Variants in MAGI2 observed in about 807,000 individuals in gnomAD.
MAGI2 encodes the protein membrane-associated guanylate kinase, WW and PDZ domain-containing protein 2.
In MAGI2, 35 loss-of-function variants were observed where a neutral mutation model predicts 133.3. The observed-to-expected ratio is 0.26, with a 90% CI of 0.20 to 0.35. The LOEUF (loss-of-function observed/expected upper bound fraction) is 0.35, where lower values mean the gene tolerates loss of function less well. Ranked by LOEUF, MAGI2 falls within the 10% of genes least tolerant of loss-of-function variation. MAGI2 has a pLI of 1.00. For missense variants in MAGI2, 1,636 were observed against 1,863.4 expected (o/e 0.88, Z 2.25); for synonymous variants, 729 against 710.6 (o/e 1.03, Z -0.41).
intron 3 of MAGI2, among the ~76,000 whole-genome samples, chr7:78,612,885 T>TC (rs1189448783): frequency 1.7e-3 from 260 of 152,232 alleles, no homozygotes; most frequent in African/African-American, 5.9e-3. Context: ...TTAGCCAGGA[T>TC]GGTCTCGATC....
intron 1 of MAGI2, among the ~76,000 whole-genome samples, chr7:79,255,572 A>T (rs1833623315): frequency 6.6e-6 from 1 of 152,240 alleles, no homozygotes. Context: ...GAAAAAGAAG[A>T]TAAATTTAAG....
At chr7:78,866,530 A>T (rs535798112) in intron 2 of MAGI2, among the ~76,000 whole-genome samples, 6 of 151,924 alleles carry the variant, frequency 3.9e-5, no homozygotes, top group Middle Eastern at 3.4e-3. Context: ...TAGCCTTCAC[A>T]CTAGTTTGTG....
chr7:78,891,872 T>A (rs1434965182), intron 2 of MAGI2, among the ~76,000 whole-genome samples: 1 of 152,202 alleles, frequency 6.6e-6, no homozygotes, highest in East Asian at 1.9e-4. Context: ...TTGGAAGTTC[T>A]GGCCAGGGCA....
intron 1 of MAGI2, among the ~76,000 whole-genome samples, chr7:79,445,259 G>T (rs1209919941): frequency 1.3e-5 from 2 of 152,082 alleles, no homozygotes; most frequent in Non-Finnish European, 2.9e-5. Flanking sequence ...GCAGGGGCAA[G>T]GACTTCATGT....
At chr7:78,515,545 A>G (rs1004608699) in intron 4 of MAGI2, among the ~76,000 whole-genome samples, 1 of 152,206 alleles carries the variant, frequency 6.6e-6, no homozygotes, top group African/African-American at 2.4e-5. Context: ...AAGATTTACT[A>G]AGTACTTGAA....
chr7:78,903,464 G>T (rs1337586469), intron 2 of MAGI2, among the ~76,000 whole-genome samples: 3 of 151,990 alleles, frequency 2.0e-5, no homozygotes, highest in Admixed American at 1.3e-4. Context: ...CAAAGTGCTG[G>T]GATTACAGGC....
At chr7:78,513,671 G>T (rs1298195111) in intron 4 of MAGI2, among the ~76,000 whole-genome samples, 2 of 152,158 alleles carry the variant, frequency 1.3e-5, no homozygotes, top group African/African-American at 2.4e-5. Flanking sequence ...TACTCTGGTT[G>T]TCCTTGTTCT....
intron 6 of MAGI2, among the ~76,000 whole-genome samples, chr7:78,444,912 T>C (rs1269458915): frequency 6.7e-6 from 1 of 149,222 alleles, no homozygotes; most frequent in Non-Finnish European, 1.5e-5. Flanking sequence ...TATACAAATA[T>C]ATATGTAAAC....
intron 1 of MAGI2, among the ~76,000 whole-genome samples, chr7:79,082,235 T>C (rs755638252): frequency 2.6e-4 from 40 of 152,236 alleles, no homozygotes; most frequent in Non-Finnish European, 4.6e-4. Context: ...AAATCATGTA[T>C]ATCTATCTTT....
intron 2 of MAGI2, among the ~76,000 whole-genome samples, chr7:78,846,853 G>A (rs111965197): frequency 6.6e-6 from 1 of 151,906 alleles, no homozygotes; most frequent in Non-Finnish European, 1.5e-5. Flanking sequence ...ACTCTTTCCA[G>A]GTGCATATAT....
At chr7:79,052,379 G>A (rs1812753138) in intron 1 of MAGI2, among the ~76,000 whole-genome samples, 1 of 152,202 alleles carries the variant, frequency 6.6e-6, no homozygotes, top group Admixed American at 6.5e-5. Flanking sequence ...GCAAGACAGT[G>A]AAAGCACAGC....
At chr7:78,934,318 G>C (rs1800357377) in intron 2 of MAGI2, among the ~76,000 whole-genome samples, 2 of 152,042 alleles carry the variant, frequency 1.3e-5, no homozygotes, top group Non-Finnish European at 2.9e-5. Context: ...TAGCCAGGCT[G>C]GGCTCAAACT....
rs1448819629 is a variant in MAGI2, at chr7:78,511,554, T to A, written c.755-9767A>T. Among the ~76,000 whole-genome samples the A allele has an allele frequency of 7.1e-3, 744 of 104,660 alleles. 3 individuals are homozygous for A. Among genetic ancestry groups the A allele is most frequent in the Non-Finnish European group, 9.7e-3 (486 of 50,086 alleles). 68.7% of individuals were successfully genotyped at this position (104,660 alleles called of 152,430 possible). ...TCTTTTATATATATATATATAAATTTTTTTTTTTTTTTTTTTGACACAGTG... is the reference window on the plus strand; with the variant it reads ...TCTTTTATATATATATATATAAATTATTTTTTTTTTTTTTTTGACACAGTG... On this transcript the variant is annotated intron_variant, in intron 4 of 21. Transcript: ENST00000354212.
chr7:78,501,563 T>A lies in MAGI2; in HGVS notation c.965+14A>T. On this transcript the variant is annotated intron_variant, in intron 5 of 21. Coordinates refer to ENST00000354212, the MANE Select transcript of MAGI2 (RefSeq NM_012301.4). ...ACCTTTTTGGCACTGTTGAAAGAAA[T>A]GTGTGAAACTCACTCAATGAAGTAG... 1 of 1,610,784 alleles carries A rather than the reference T, an allele frequency of 6.2e-7. No homozygotes were observed. Among genetic ancestry groups the A allele is most frequent in the Non-Finnish European group, 8.5e-7 (1 of 1,177,994 alleles).
At position 79,324,548 on chromosome 7, in the gene MAGI2, TAC is replaced by T. The variant is rs1839471041; in HGVS notation, c.301+128470_301+128471del. Among the ~76,000 whole-genome samples the T allele has an allele frequency of 6.4e-5, 4 of 62,426 alleles. 1 individual carries two copies. Among genetic ancestry groups the T allele is most frequent in the African/African-American group, 2.1e-4 (4 of 18,936 alleles). 41.0% of individuals were successfully genotyped at this position (62,426 alleles called of 152,430 possible). A position where few individuals can be genotyped will look rare whatever the true frequency, so the allele number is the denominator to read the frequency against. ...CACCATATATATATAACCATATATA[TAC>T]ATATATACACATATAACCATATATA... On this transcript the variant is annotated intron_variant, in intron 1 of 21. Coordinates refer to ENST00000354212, the MANE Select transcript of MAGI2 (RefSeq NM_012301.4).
intron 2 of MAGI2, among the ~76,000 whole-genome samples, chr7:78,837,534 G>A (rs1360983934): frequency 6.6e-6 from 1 of 152,010 alleles, no homozygotes; most frequent in African/African-American, 2.4e-5. Context: ...AGTTCTCCAT[G>A]GTATTCATCA....
At chr7:78,740,419 A>T (rs575812879) in intron 2 of MAGI2, among the ~76,000 whole-genome samples, 99 of 152,312 alleles carry the variant, frequency 6.5e-4, no homozygotes, top group African/African-American at 2.0e-3. Flanking sequence ...AGTAACAGAA[A>T]TGGGATGTGA....
chr7:78,809,269 T>C (rs1265434322), intron 2 of MAGI2, among the ~76,000 whole-genome samples: 1 of 152,212 alleles, frequency 6.6e-6, no homozygotes, highest in Non-Finnish European at 1.5e-5. Flanking sequence ...CAGTACTTTA[T>C]AGATGATCGG....
intron 6 of MAGI2, among the ~76,000 whole-genome samples, chr7:78,427,623 A>G (rs549648125): frequency 6.6e-6 from 1 of 151,420 alleles, no homozygotes; most frequent in Admixed American, 6.6e-5. Context: ...GAAAGATTTT[A>G]ATACCACTCT....
Sources: gnomAD v4.1 joint callset for allele counts (sites outside exome capture counted in the v4.1 genomes callset) on GRCh38, gnomAD v4.1.1 for gene constraint, MANE v1.5 for transcripts, NCBI Gene and HGNC (gene_info 2026-07-23, HGNC 2026-07-21) for gene names.